Variants in BACH2 observed in about 807,000 individuals in gnomAD.
The protein encoded by BACH2 is BACH transcriptional regulator 2.
BACH2 carries 5 observed loss-of-function variants against 61.8 expected under a neutral mutation model. The ratio of observed to expected loss-of-function variants is 0.08; its 90% CI spans 0.04 to 0.17. The LOEUF is 0.17. BACH2 is among the 10% of genes least tolerant of loss of function. The probability of loss-of-function intolerance (pLI) is 1.00; values close to 1 mark genes in which losing one functional copy is unlikely to be tolerated. For synonymous variants in BACH2, 446 were observed against 440.1 expected, an observed-to-expected ratio of 1.01 and a Z score of -0.17; for missense variants, 824 against 1,091.1, an observed-to-expected ratio of 0.76 and a Z score of 3.45.
intron 6 of BACH2, among the ~76,000 whole-genome samples, chr6:89,990,821 T>C (rs966915465): frequency 6.6e-6 from 1 of 152,196 alleles, no homozygotes; most frequent in Non-Finnish European, 1.5e-5. Flanking sequence ...CATCCCTAAT[T>C]GGGATATAAG....
chr6:89,995,555 G>T (rs72923954), intron 6 of BACH2, among the ~76,000 whole-genome samples: 6 of 152,132 alleles, frequency 3.9e-5, no homozygotes, highest in Non-Finnish European at 8.8e-5. Context: ...CTGACTTATC[G>T]CTTGTGACAA....
intron 5 of BACH2, among the ~76,000 whole-genome samples, chr6:90,062,048 A>G (rs1188350679): frequency 3.9e-5 from 6 of 152,240 alleles, no homozygotes; most frequent in Admixed American, 3.3e-4. Flanking sequence ...TTATATGCCA[A>G]TGGGAAAGAT....
At chr6:90,247,135 T>C (rs568871714) in intron 3 of BACH2, among the ~76,000 whole-genome samples, 3 of 152,262 alleles carry the variant, frequency 2.0e-5, no homozygotes, top group Non-Finnish European at 2.9e-5. Context: ...AACGAGAACA[T>C]GACTGCAGTT....
chr6:89,994,957 C>T (rs1776767341), intron 6 of BACH2, among the ~76,000 whole-genome samples: 1 of 152,190 alleles, frequency 6.6e-6, no homozygotes, highest in African/African-American at 2.4e-5. Flanking sequence ...TTTTTAACCA[C>T]AGTGAGATCA....
chr6:89,990,850 T>C (rs760278249), intron 6 of BACH2, among the ~76,000 whole-genome samples: 11 of 152,130 alleles, frequency 7.2e-5, no homozygotes, highest in Non-Finnish European at 1.6e-4. Context: ...AAGCTCAGAG[T>C]TTTGCCTGTT....
intron 6 of BACH2, among the ~76,000 whole-genome samples, chr6:89,981,280 C>T (rs1241900614): frequency 2.6e-5 from 4 of 151,652 alleles, no homozygotes; most frequent in South Asian, 2.1e-4. Flanking sequence ...TACAGGTGCC[C>T]GCCACCATGC....
At chr6:90,213,415 G>A (rs962137263) in intron 3 of BACH2, among the ~76,000 whole-genome samples, 1 of 152,174 alleles carries the variant, frequency 6.6e-6, no homozygotes, top group African/African-American at 2.4e-5. Flanking sequence ...TGTCAGTCAG[G>A]GGATTCTTTG....
intron 4 of BACH2, among the ~76,000 whole-genome samples, chr6:90,159,195 CT>C (rs1487856171): frequency 3.3e-5 from 5 of 152,178 alleles, no homozygotes; most frequent in Non-Finnish European, 5.9e-5. Context: ...GGGAAATCAA[CT>C]ACGTGGTCTA....
At chr6:90,225,370 G>A (rs1366460403) in intron 3 of BACH2, among the ~76,000 whole-genome samples, 1 of 152,084 alleles carries the variant, frequency 6.6e-6, no homozygotes, top group Non-Finnish European at 1.5e-5. Context: ...CTGGATAATT[G>A]GAGTGATACC....
At chr6:90,227,341 G>A (rs1769949784) in intron 3 of BACH2, among the ~76,000 whole-genome samples, 1 of 152,216 alleles carries the variant, frequency 6.6e-6, no homozygotes, top group African/African-American at 2.4e-5. Context: ...CAGCAAATGT[G>A]CACAAGCCTG....
At chr6:90,060,757 C>T (rs13198989) in intron 5 of BACH2, among the ~76,000 whole-genome samples, 15,779 of 152,022 alleles carry the variant, frequency 0.1, 1,065 homozygotes, top group Non-Finnish European at 0.14. Context: ...GCCTAAATTA[C>T]ATTTGCTTTA....
At chr6:90,021,678 C>A (rs1778385850) in intron 5 of BACH2, among the ~76,000 whole-genome samples, 1 of 152,148 alleles carries the variant, frequency 6.6e-6, no homozygotes, top group East Asian at 1.9e-4. Flanking sequence ...TTAGAGTGCA[C>A]AGTGCTATAA....
rs1212142175 is a variant in BACH2, at chr6:90,249,067, T to A, written c.-275+3446A>T. Among the ~76,000 whole-genome samples the A allele has an allele frequency of 3.3e-5, 5 of 152,248 alleles. No individual in the cohort carries two copies. In the South Asian group the frequency reaches 8.3e-4, roughly 25 times the overall value. The stretch of plus-strand genomic sequence containing the variant: ...AGATTTATGCTCTTTGATTCAGAGA[T>A]AAACTTTGTCTTGTAGAATGGGAAA... On this transcript the variant is annotated intron_variant, in intron 3 of 8. Coordinates refer to ENST00000257749, the MANE Select transcript of BACH2 (RefSeq NM_021813.4).
At chr6:90,180,734 C>A (rs1768128920) in intron 4 of BACH2, among the ~76,000 whole-genome samples, 1 of 151,974 alleles carries the variant, frequency 6.6e-6, no homozygotes, top group Non-Finnish European at 1.5e-5. Context: ...GAGTAGTATT[C>A]CATACTGTGT....
intron 4 of BACH2, among the ~76,000 whole-genome samples, chr6:90,136,994 C>T (rs1582407717): frequency 6.6e-6 from 1 of 152,116 alleles, no homozygotes; most frequent in Non-Finnish European, 1.5e-5. Context: ...CTGGACCCAT[C>T]CTGACAGTGA....
chr6:90,068,638 G>GC (rs1781076885), intron 5 of BACH2, among the ~76,000 whole-genome samples: 1 of 140,814 alleles, frequency 7.1e-6, no homozygotes, highest in Non-Finnish European at 1.6e-5. Context: ...GGTTGTTGTT[G>GC]TTTTTTTTTT....
intron 3 of BACH2, among the ~76,000 whole-genome samples, chr6:90,238,135 G>A (rs1770318583): frequency 6.6e-6 from 1 of 152,214 alleles, no homozygotes. Flanking sequence ...TAAGAATGAA[G>A]TCATACTCTA....
At chr6:90,004,226 T>C (rs140784031) in intron 6 of BACH2, among the ~76,000 whole-genome samples, 179 of 152,340 alleles carry the variant, frequency 1.2e-3, no homozygotes, top group African/African-American at 4.1e-3. Flanking sequence ...AAATGCCTTT[T>C]CTTTAGAATC....
At chr6:89,946,664 G>C (rs1413148301) in intron 7 of BACH2, among the ~76,000 whole-genome samples, 1 of 152,150 alleles carries the variant, frequency 6.6e-6, no homozygotes, top group Non-Finnish European at 1.5e-5. Flanking sequence ...GTGCATGGTA[G>C]ACAGCTACGT....
Sources: gnomAD v4.1 joint callset for allele counts (sites outside exome capture counted in the v4.1 genomes callset) on GRCh38, gnomAD v4.1.1 for gene constraint, MANE v1.5 for transcripts, NCBI Gene and HGNC (gene_info 2026-07-23, HGNC 2026-07-21) for gene names.